PTPRD: variants seen among roughly 807,000 people sequenced by gnomAD.
PTPRD encodes the protein protein tyrosine phosphatase receptor type D, also known as receptor-type tyrosine-protein phosphatase delta.
A neutral mutation model predicts 214.5 loss-of-function variants in PTPRD; 34 were observed. That is an observed-to-expected ratio of 0.16 (90% CI 0.12 to 0.21). PTPRD has a LOEUF of 0.21. Among genes scored for constraint, PTPRD ranks in the 10% least tolerant of loss-of-function variants. The pLI is 1.00. For missense variants in PTPRD, 2,545 were observed against 2,398.7 expected (o/e 1.06, Z -1.27); for synonymous variants, 1,128 against 845.7 (o/e 1.33, Z -5.79).
chr9:8,432,682 A>AT (rs1441365860), intron 35 of PTPRD, among the ~76,000 whole-genome samples: 1 of 152,132 alleles, frequency 6.6e-6, no homozygotes, highest in East Asian at 1.9e-4. Context: ...ATAATAAACA[A>AT]TTTTTCCCCA....
At chr9:9,812,297 G>T (rs894988376) in intron 5 of PTPRD, among the ~76,000 whole-genome samples, 15 of 151,956 alleles carry the variant, frequency 9.9e-5, no homozygotes, top group African/African-American at 3.4e-4. Context: ...TACCTCAAAG[G>T]TATGCCTGTA....
intron 11 of PTPRD, among the ~76,000 whole-genome samples, chr9:8,762,324 A>C (rs953124834): frequency 1.3e-5 from 2 of 152,122 alleles, no homozygotes; most frequent in African/African-American, 2.4e-5. Flanking sequence ...TAAAAGAAGC[A>C]CCCTTATTGT....
At chr9:9,750,057 A>G (rs2098501575) in intron 6 of PTPRD, among the ~76,000 whole-genome samples, 1 of 152,170 alleles carries the variant, frequency 6.6e-6, no homozygotes, top group African/African-American at 2.4e-5. Context: ...ACGAAAAATA[A>G]ACTTTTATAT....
At chr9:8,801,933 G>A (rs1298688470) in intron 11 of PTPRD, among the ~76,000 whole-genome samples, 1 of 152,152 alleles carries the variant, frequency 6.6e-6, no homozygotes, top group African/African-American at 2.4e-5. Context: ...GAGGAGATGG[G>A]AGAGGAGGGA....
chr9:10,135,673 A>T (rs1294643329), intron 3 of PTPRD, among the ~76,000 whole-genome samples: 3 of 152,136 alleles, frequency 2.0e-5, no homozygotes, highest in Non-Finnish European at 4.4e-5. Context: ...TCAGACAACC[A>T]AACAACACAT....
At chr9:8,735,350 A>G (rs34557386) in intron 11 of PTPRD, among the ~76,000 whole-genome samples, 35,198 of 151,206 alleles carry the variant, frequency 0.23, 4,412 homozygotes, top group East Asian at 0.52. Flanking sequence ...CACCATGTTA[A>G]CCAAGCTGGT....
intron 10 of PTPRD, among the ~76,000 whole-genome samples, chr9:9,021,631 T>C (rs1204455461): frequency 6.6e-6 from 1 of 152,134 alleles, no homozygotes; most frequent in Non-Finnish European, 1.5e-5. Context: ...CAGCTTCATT[T>C]GTGTTATTGC....
intron 12 of PTPRD, among the ~76,000 whole-genome samples, chr9:8,723,901 AGTGT>A (rs2098529210): frequency 6.6e-6 from 1 of 152,234 alleles, no homozygotes; most frequent in South Asian, 2.1e-4. Context: ...TTAAGTACTT[AGTGT>A]ATCTTAAAGC....
At chr9:10,015,910 C>T (rs1302516522) in intron 4 of PTPRD, among the ~76,000 whole-genome samples, 1 of 152,124 alleles carries the variant, frequency 6.6e-6, no homozygotes, top group African/African-American at 2.4e-5. Flanking sequence ...GATCTTAAGA[C>T]TTTGTACCAT....
intron 14 of PTPRD, among the ~76,000 whole-genome samples, chr9:8,553,730 A>G (rs1278854531): frequency 1.3e-5 from 2 of 152,080 alleles, no homozygotes; most frequent in African/African-American, 2.4e-5. Context: ...ATAAAGCCCT[A>G]TAAGAACCTT....
chr9:8,881,852 T>C (rs2098448838), intron 11 of PTPRD, among the ~76,000 whole-genome samples: 1 of 152,206 alleles, frequency 6.6e-6, no homozygotes, highest in Non-Finnish European at 1.5e-5. Context: ...CAGTTACCTT[T>C]CTAGACATTC....
At chr9:8,515,024 C>A (rs1361816752) in intron 21 of PTPRD, among the ~76,000 whole-genome samples, 2 of 152,316 alleles carry the variant, frequency 1.3e-5, no homozygotes, top group Non-Finnish European at 1.5e-5. Context: ...GTTTCCTGAA[C>A]TCTCCCTAGC....
intron 3 of PTPRD, among the ~76,000 whole-genome samples, chr9:10,052,095 C>A (rs1345830533): frequency 6.6e-6 from 1 of 152,098 alleles, no homozygotes; most frequent in Non-Finnish European, 1.5e-5. Flanking sequence ...CAGGCAGGTG[C>A]CACCATGCTC....
intron 14 of PTPRD, among the ~76,000 whole-genome samples, chr9:8,568,848 G>C (rs182776797): frequency 6.6e-6 from 1 of 151,726 alleles, no homozygotes; most frequent in Non-Finnish European, 1.5e-5. Flanking sequence ...CTAAGTTCTC[G>C]GTGCTGCCTA....
chr9:9,526,728 G>A (rs2074216559), intron 8 of PTPRD, among the ~76,000 whole-genome samples: 2 of 152,002 alleles, frequency 1.3e-5, no homozygotes, highest in Admixed American at 1.3e-4. Context: ...ATTATTTAGA[G>A]CATTTCACAA....
chr9:9,750,623 G>T (rs922490773), intron 6 of PTPRD, among the ~76,000 whole-genome samples: 1 of 152,094 alleles, frequency 6.6e-6, no homozygotes, highest in East Asian at 1.9e-4. Context: ...TTTGCACTAG[G>T]GGTGTGGGTA....
At chr9:9,467,680 T>C (rs13286239) in intron 8 of PTPRD, among the ~76,000 whole-genome samples, 13,951 of 151,422 alleles carry the variant, frequency 0.092, 703 homozygotes, top group African/African-American at 0.11. Context: ...CAGTAGATAT[T>C]CTTGTGTTAA....
At chr9:10,326,991 T>C (rs748997950) in intron 3 of PTPRD, among the ~76,000 whole-genome samples, 49 of 151,590 alleles carry the variant, frequency 3.2e-4, no homozygotes, top group Admixed American at 5.9e-4. Context: ...TGACAATCTA[T>C]GTTCAAACGA....
intron 2 of PTPRD, among the ~76,000 whole-genome samples, chr9:10,369,478 G>C (rs549353548): frequency 3.9e-4 from 59 of 152,062 alleles, no homozygotes; most frequent in African/African-American, 1.4e-3. Context: ...CATACGAACA[G>C]CCACAATTGT....
Sources: allele counts gnomAD v4.1 joint callset (sites outside exome capture counted in the v4.1 genomes callset), GRCh38; gene constraint gnomAD v4.1.1; transcripts MANE v1.5; gene names NCBI Gene and HGNC (gene_info 2026-07-23, HGNC 2026-07-21).